Variants in SPCS2 observed in about 807,000 individuals in gnomAD.
SPCS2 encodes the protein SPase 25 kDa subunit.
In SPCS2, 3 loss-of-function variants were observed where a neutral mutation model predicts 22.3. The ratio of observed to expected loss-of-function variants is 0.13; its 90% CI spans 0.06 to 0.35. The LOEUF is 0.35. Ranked by LOEUF, SPCS2 falls within the 10% of genes least tolerant of loss-of-function variation. The pLI is 1.00. For synonymous variants in SPCS2, 67 were observed against 97.2 expected (o/e 0.69, Z 1.83); for missense variants, 169 against 280.9 (o/e 0.60, Z 2.85).
intron 2 of SPCS2, 58 bp downstream of exon 2, chr11:74,965,175 G>T: frequency 8.6e-7 from 1 of 1,162,064 alleles, no homozygotes; most frequent in Admixed American, 2.8e-5. Context: ...ATCTCTCCTG[G>T]GAAATCTTTT....
At chr11:74,969,817 T>C in intron 4 of SPCS2, 118 bp downstream of exon 4, 1 of 1,219,590 alleles carries the variant, frequency 8.2e-7, no homozygotes, top group Non-Finnish European at 1.2e-6. Context: ...GCTAGTCATA[T>C]AAAATGAAGA....
intron 1 of SPCS2, among the ~76,000 whole-genome samples, chr11:74,950,064 A>AT (rs1034920432): frequency 6.6e-6 from 1 of 152,052 alleles, no homozygotes; most frequent in African/African-American, 2.4e-5. Context: ...ATCCAAAAAA[A>AT]TTTTTTTTAA....
chr11:74,958,143 GC>G (rs1219193067), intron 1 of SPCS2, among the ~76,000 whole-genome samples: 1 of 152,182 alleles, frequency 6.6e-6, no homozygotes, highest in African/African-American at 2.4e-5. Context: ...ACTGCTAAAT[GC>G]AGTTTGTGGT....
Position 74,968,033 on chromosome 11 carries a change from G to A in SPCS2, c.360-1532G>A, listed in dbSNP as rs145782433. Among the ~76,000 whole-genome samples, 356 of 152,192 alleles carry A rather than the reference G, an allele frequency of 2.3e-3. 4 individuals carry two copies. Among genetic ancestry groups the A allele is most frequent in the African/African-American group, 8.3e-3 (345 of 41,524 alleles). On this transcript the variant is annotated intron_variant, in intron 3 of 4. Transcript: ENST00000263672. Reference sequence around the variant, plus strand: ...AGTATTATCCCAATTTTAAAGGTAAGGATACTAAGACTTGGGGAAGGAAGT... The same window carrying A: ...AGTATTATCCCAATTTTAAAGGTAAAGATACTAAGACTTGGGGAAGGAAGT...
rs1194188705 is a variant in SPCS2, at chr11:74,960,013, A to G, written c.115-5021A>G. Among the ~76,000 whole-genome samples the G allele has an allele frequency of 2.0e-5, 3 of 152,182 alleles. No individual in the cohort carries two copies. In the East Asian group the frequency reaches 5.8e-4, roughly 29 times the overall value. On this transcript the variant is annotated intron_variant, in intron 1 of 4. Coordinates refer to ENST00000263672, the MANE Select transcript of SPCS2 (RefSeq NM_014752.3). ...AATGCCTGTTTTCTTTGAACTGGTTAGCCAGCCAGCTCTGGCATCAGGTGT... is the reference window on the plus strand; with the variant it reads ...AATGCCTGTTTTCTTTGAACTGGTTGGCCAGCCAGCTCTGGCATCAGGTGT...
chr11:74,955,019 A>T (rs1006489576), intron 1 of SPCS2, among the ~76,000 whole-genome samples: 1 of 152,194 alleles, frequency 6.6e-6, no homozygotes, highest in African/African-American at 2.4e-5. Context: ...CCACAATGAG[A>T]AACCACTTCA....
chr11:74,970,474 A>G (rs552743662), intron 4 of SPCS2, among the ~76,000 whole-genome samples: 1 of 152,378 alleles, frequency 6.6e-6, no homozygotes, highest in Admixed American at 6.5e-5. Context: ...TAGAGCAGGA[A>G]TTCCAGCCCA....
intron 1 of SPCS2, among the ~76,000 whole-genome samples, chr11:74,955,592 A>G (rs1202749096): frequency 1.3e-5 from 2 of 151,888 alleles, no homozygotes; most frequent in East Asian, 1.9e-4. Flanking sequence ...TTTTGAGGGT[A>G]TGCATATATT....
At chr11:74,953,207 C>T (rs553396839) in intron 1 of SPCS2, among the ~76,000 whole-genome samples, 2 of 151,338 alleles carry the variant, frequency 1.3e-5, no homozygotes, top group Middle Eastern at 3.4e-3. Flanking sequence ...AAGCTATTAC[C>T]TTTAATATAA....
chr11:74,972,615 G>T (rs1207223416), intron 4 of SPCS2, among the ~76,000 whole-genome samples: 1 of 151,930 alleles, frequency 6.6e-6, no homozygotes, highest in Admixed American at 6.6e-5. Context: ...ATCTGGGCTG[G>T]GCTGCAGCCT....
Position 74,965,132 on chromosome 11 carries a change from A to AG in SPCS2, c.198+19dup. ...CTGCCAAAAAGGTACTTTCTTGAGG[A>AG]GGGGTTGGTTAGTATCTATACAGCT... On this transcript the variant is annotated intron_variant, in intron 2 of 4. Coordinates refer to ENST00000263672, the MANE Select transcript of SPCS2 (RefSeq NM_014752.3). 3.9e-6 allele frequency: 6 copies of AG among 1,537,964 alleles called. No individual in the cohort carries two copies. Among genetic ancestry groups the AG allele is most frequent in the Non-Finnish European group, 4.4e-6 (5 of 1,135,048 alleles).
Position 74,965,063 on chromosome 11 carries a change from TGACAAGTGGGA to T in SPCS2, c.145_155del (p.Asp49TrpfsTer10). 6.4e-7 allele frequency: 1 copy of T among 1,551,272 alleles called. No individual in the cohort carries two copies. The highest frequency in any genetic ancestry group is 2.0e-5 in the Admixed American group (1 of 50,936). ...AGATAGATGATAAGCCTGTAAAAAT[TGACAAGTGGGA>T]TGGATCAGCTGTGAAAAACTCTTTG... is the stretch of plus-strand genomic sequence containing the variant. On this transcript the variant is annotated frameshift_variant, in exon 2 of 5. Coordinates refer to ENST00000263672, the MANE Select transcript of SPCS2 (RefSeq NM_014752.3). LOFTEE classifies it high-confidence loss of function.
At chr11:74,962,677 C>T (rs1203436728) in intron 1 of SPCS2, among the ~76,000 whole-genome samples, 2 of 152,150 alleles carry the variant, frequency 1.3e-5, no homozygotes, top group Admixed American at 1.3e-4. Context: ...AAAAGAAGCA[C>T]CTAATAGCAA....
intron 2 of SPCS2, 137 bp downstream of exon 2, chr11:74,965,254 T>A: frequency 1.6e-6 from 1 of 610,852 alleles, no homozygotes; most frequent in Non-Finnish European, 2.8e-6. Flanking sequence ...TTTCTAAAAT[T>A]TCTCACAGAA....
chr11:74,959,050 A>C (rs541116396), intron 1 of SPCS2, among the ~76,000 whole-genome samples: 221 of 152,160 alleles, frequency 1.5e-3, no homozygotes, highest in Non-Finnish European at 2.8e-3. Context: ...CTCATCTCCT[A>C]CTACTTTCCC....
Position 74,969,717 on chromosome 11 carries a change from G to C in SPCS2, c.494+18G>C. ...CTTAAAAGGTATGACTATCCTCACA[G>C]ATTTTTAAATCCTGGTGTTGGATTT... On this transcript the variant is annotated intron_variant, in intron 4 of 4. Transcript: ENST00000263672. 1 of 1,613,508 alleles carries C rather than the reference G, an allele frequency of 6.2e-7. No individual in the cohort carries two copies. Among genetic ancestry groups the C allele is most frequent in the Non-Finnish European group, 8.5e-7 (1 of 1,179,632 alleles).
At chr11:74,971,579 T>G (rs1452272273) in intron 4 of SPCS2, among the ~76,000 whole-genome samples, 1 of 152,208 alleles carries the variant, frequency 6.6e-6, no homozygotes, top group Non-Finnish European at 1.5e-5. Context: ...TGCTGATGTC[T>G]TCTCCCTCCC....
rs367957428 is a variant in SPCS2 at position 74,971,200 on chromosome 11, A to G, written c.494+1501A>G. Among the ~76,000 whole-genome samples the G allele has an allele frequency of 1.2e-4, 19 of 152,352 alleles. 1 individual carries two copies. In the East Asian group the frequency reaches 3.5e-3, roughly 28 times the overall value. On this transcript the variant is annotated intron_variant, in intron 4 of 4. Coordinates refer to ENST00000263672, the MANE Select transcript of SPCS2 (RefSeq NM_014752.3). ...GTTCGTTCATGTTGTAGCATGTATC[A>G]GTACTTCATTCCTTTCTATGGTCAA... is the stretch of plus-strand genomic sequence containing the variant.
chr11:74,975,151 C>T (rs1316735028), intron 4 of SPCS2, among the ~76,000 whole-genome samples: 1 of 152,102 alleles, frequency 6.6e-6, no homozygotes, highest in Non-Finnish European at 1.5e-5. Context: ...CTCTCATCCT[C>T]TCCCACTTCA....
Sources: gnomAD v4.1 joint callset for allele counts (sites outside exome capture counted in the v4.1 genomes callset) on GRCh38, gnomAD v4.1.1 for gene constraint, MANE v1.5 for transcripts, NCBI Gene and HGNC (gene_info 2026-07-23, HGNC 2026-07-21) for gene names.